Variants in PPARG observed in about 807,000 individuals in gnomAD.
PPARG encodes the protein peroxisome proliferator-activated receptor gamma.
A neutral mutation model predicts 39.2 loss-of-function variants in PPARG; 17 were observed. That is an observed-to-expected ratio of 0.43 (90% CI 0.30 to 0.65). The LOEUF (loss-of-function observed/expected upper bound fraction) is 0.65. Ranked by LOEUF, PPARG falls within the 30% of genes least tolerant of loss-of-function variation. PPARG has a pLI of 0.13. For synonymous variants in PPARG, 223 were observed against 215.7 expected (o/e 1.03, Z -0.30); for missense variants, 406 against 585.9 (o/e 0.69, Z 3.17).
chr3:12,312,453 G>A lies in PPARG; in HGVS notation c.-9G>A, dbSNP rs1404416409. 1.3e-5 allele frequency: 2 copies of A among 152,084 alleles called. No homozygotes were observed. Among genetic ancestry groups the A allele is most frequent in the African/African-American group, 2.4e-5 (1 of 41,408 alleles). 9.4% of individuals were successfully genotyped at this position (152,084 alleles called of 1,614,324 possible). ...TCTCAAACGAGAGTCAGCCTTTAAC[G>A]GTAAGTAAAATCAGAATTTATACTG... On this transcript the variant is annotated splice_region_variant and 5_prime_UTR_variant, in exon 2 of 8. Coordinates refer to ENST00000651735, the MANE Select transcript of PPARG (RefSeq NM_138711.6).
intron 5 of PPARG, among the ~76,000 whole-genome samples, chr3:12,396,653 G>T (rs1184359642): frequency 6.6e-6 from 1 of 151,662 alleles, no homozygotes; most frequent in East Asian, 1.9e-4. Flanking sequence ...AGCTACTCGG[G>T]AGTCTGGAGT....
At chr3:12,388,779 A>G (rs2125201878) in intron 4 of PPARG, among the ~76,000 whole-genome samples, 1 of 152,356 alleles carries the variant, frequency 6.6e-6, no homozygotes, top group South Asian at 2.1e-4. Flanking sequence ...TATTTAAAGG[A>G]AGAGGGCATA....
intron 2 of PPARG, among the ~76,000 whole-genome samples, chr3:12,331,218 G>A (rs1305507434): frequency 6.6e-6 from 1 of 152,192 alleles, no homozygotes; most frequent in Non-Finnish European, 1.5e-5. Flanking sequence ...GTGCTGTAAG[G>A]GAGAGAAATG....
chr3:12,382,085 C>T (rs1230172007), intron 4 of PPARG, among the ~76,000 whole-genome samples: 2 of 152,100 alleles, frequency 1.3e-5, no homozygotes. Context: ...GTTAGTAAAA[C>T]TTGCCAAGGT....
chr3:12,364,262 G>A (rs575277795), intron 2 of PPARG, among the ~76,000 whole-genome samples: 5 of 152,220 alleles, frequency 3.3e-5, no homozygotes, highest in African/African-American at 1.2e-4. Flanking sequence ...TTCCTGTTTT[G>A]ATAGTTTTGC....
chr3:12,331,527 CAG>C (rs1306340253), intron 2 of PPARG, among the ~76,000 whole-genome samples: 2 of 151,230 alleles, frequency 1.3e-5, no homozygotes, highest in African/African-American at 2.5e-5. Flanking sequence ...AGAGTTTAAA[CAG>C]GGGAGTGACA....
chr3:12,403,247 T>G (rs2050540588), intron 5 of PPARG, among the ~76,000 whole-genome samples: 1 of 150,580 alleles, frequency 6.6e-6, no homozygotes, highest in Admixed American at 6.6e-5. Flanking sequence ...GAGCCATGAT[T>G]GTGCCACTGC....
At chr3:12,290,241 A>G (rs2046614153) in intron 1 of PPARG, among the ~76,000 whole-genome samples, 1 of 152,094 alleles carries the variant, frequency 6.6e-6, no homozygotes, top group Non-Finnish European at 1.5e-5. Flanking sequence ...TAGTTCTTAA[A>G]CAATAACTGC....
At chr3:12,405,477 A>C (rs1158381981) in intron 5 of PPARG, among the ~76,000 whole-genome samples, 14 of 152,196 alleles carry the variant, frequency 9.2e-5, no homozygotes, top group Admixed American at 9.2e-4. Flanking sequence ...TTAATTCGTG[A>C]AACGTGTTGA....
At chr3:12,397,712 C>T (rs2050319454) in intron 5 of PPARG, among the ~76,000 whole-genome samples, 1 of 152,002 alleles carries the variant, frequency 6.6e-6, no homozygotes, top group Non-Finnish European at 1.5e-5. Context: ...GTCTGGCTAA[C>T]CTATTCCTTT....
At chr3:12,393,336 A>G (rs1292556706) in intron 5 of PPARG, among the ~76,000 whole-genome samples, 2 of 152,074 alleles carry the variant, frequency 1.3e-5, no homozygotes, top group African/African-American at 4.8e-5. Context: ...ATAGAAACAT[A>G]AGAGAATAAA....
intron 1 of PPARG, among the ~76,000 whole-genome samples, chr3:12,291,646 A>G (rs2046651078): frequency 6.6e-6 from 1 of 152,152 alleles, no homozygotes; most frequent in African/African-American, 2.4e-5. Context: ...TTTGGGGAAA[A>G]CTTTTGTAGA....
intron 2 of PPARG, among the ~76,000 whole-genome samples, chr3:12,368,883 A>G (rs2049112999): frequency 6.6e-6 from 1 of 152,160 alleles, no homozygotes; most frequent in East Asian, 1.9e-4. Context: ...CTTTCATTCT[A>G]CTTGAAACTA....
At position 12,405,654 on chromosome 3, in the gene PPARG, G is replaced by T. The variant is rs1151999; in HGVS notation, c.530-228G>T. Reference sequence around the variant, plus strand: ...GAATTCTTTCACTTTCTCAGCAGGAGTATGCATTAACTTTTAAAAATGAAA... The same window carrying T: ...GAATTCTTTCACTTTCTCAGCAGGATTATGCATTAACTTTTAAAAATGAAA... On this transcript the variant is annotated intron_variant, in intron 5 of 7. Coordinates refer to ENST00000651735, the MANE Select transcript of PPARG (RefSeq NM_138711.6). Among the ~76,000 whole-genome samples the T allele has an allele frequency of 0.6, 90,952 of 152,086 alleles. 28,626 individuals are homozygous for T. The highest frequency in any genetic ancestry group is 0.8 in the African/African-American group (33,236 of 41,492).
intron 1 of PPARG, among the ~76,000 whole-genome samples, chr3:12,292,911 G>A (rs2046683518): frequency 6.6e-6 from 1 of 152,158 alleles, no homozygotes; most frequent in African/African-American, 2.4e-5. Context: ...CTGCAGTGTG[G>A]AGCTATAAAG....
At chr3:12,406,532 CTTTTTTTTTTT>C in intron 6 of PPARG, 4 of 59,056 alleles carry the variant, frequency 6.8e-5, no homozygotes, top group Non-Finnish European at 9.9e-5. Context: ...AGAGTTACCT[CTTTTTTTTTTT>C]TTTTTTTTTT....
chr3:12,381,475 C>A lies in PPARG; in HGVS notation c.374C>A (p.Ala125Asp). ...TCTGGATTTCACTATGGAGTTCATG[C>A]TTGTGAAGGATGCAAGGTAATTAAA... ...KASGFHYGVH[A>D]CEGCKGFFRR... The change falls in exon 4 of 8, where the codon GCT becomes GAT. Residue 125 changes from alanine (A) to aspartate (D), a missense_variant. Ala to Asp is a moderately radical substitution (Grantham distance 126). This residue lies in a region of PPARG where 275 missense variants were observed against 458.0 expected (regional missense o/e 0.60). Transcript: ENST00000651735. The A allele has an allele frequency of 6.2e-7, 1 of 1,613,316 alleles. No individual in the cohort carries two copies. The highest frequency in any genetic ancestry group is 8.5e-7 in the Non-Finnish European group (1 of 1,179,628).
chr3:12,404,042 G>C (rs2050569501), intron 5 of PPARG, among the ~76,000 whole-genome samples: 1 of 152,108 alleles, frequency 6.6e-6, no homozygotes, highest in Non-Finnish European at 1.5e-5. Flanking sequence ...CCAGGGGCTG[G>C]GGTCACCAGT....
At chr3:12,317,116 A>G (rs2047410906) in intron 2 of PPARG, among the ~76,000 whole-genome samples, 1 of 152,200 alleles carries the variant, frequency 6.6e-6, no homozygotes, top group Non-Finnish European at 1.5e-5. Context: ...TGCAAAGTTC[A>G]GTCCTGCCCT....
Sources: allele counts gnomAD v4.1 joint callset (sites outside exome capture counted in the v4.1 genomes callset), GRCh38; gene constraint gnomAD v4.1.1; regional missense constraint gnomAD v4.1.1; transcripts MANE v1.5; gene names NCBI Gene and HGNC (gene_info 2026-07-23, HGNC 2026-07-21).